Variants in MICU1 observed in about 807,000 individuals in gnomAD.
The protein encoded by MICU1 is mitochondrial calcium uptake 1, also known as calcium uptake protein 1, mitochondrial.
MICU1 carries 45 observed loss-of-function variants against 56.8 expected under a neutral mutation model. The ratio of observed to expected loss-of-function variants is 0.79; its 90% CI spans 0.62 to 1.02. The LOEUF (loss-of-function observed/expected upper bound fraction) is 1.02. Ranked by LOEUF, MICU1 falls within the 50% of genes least tolerant of loss-of-function variation. The pLI, the probability that MICU1 is intolerant of heterozygous loss-of-function variation, is 0.00. For synonymous variants in MICU1, 186 were observed against 195.1 expected (o/e 0.95, Z 0.39); for missense variants, 504 against 587.1 (o/e 0.86, Z 1.46).
At chr10:72,510,586 A>G (rs1867411231) in intron 5 of MICU1, among the ~76,000 whole-genome samples, 1 of 152,144 alleles carries the variant, frequency 6.6e-6, no homozygotes, top group African/African-American at 2.4e-5. Flanking sequence ...AGCACAGTGT[A>G]TATTTAATAA....
intron 10 of MICU1, among the ~76,000 whole-genome samples, chr10:72,388,427 G>A (rs1260948781): frequency 6.6e-6 from 1 of 152,180 alleles, no homozygotes; most frequent in East Asian, 1.9e-4. Context: ...GGTTCCAAAG[G>A]TAAAGATCAC....
rs11338457 is a variant in MICU1 at position 72,529,946 on chromosome 10, C to CTTTTTTT, written c.537+3793_537+3799dup. Reference sequence around the variant, plus strand: ...AATACATGGATACTAGGGGAAGGTGCTTTTTTTTTTTTTTTTTTTTTTTCT... The same window carrying CTTTTTTT: ...AATACATGGATACTAGGGGAAGGTGCTTTTTTTTTTTTTTTTTTTTTTTTTTTTTTCT... On this transcript the variant is annotated intron_variant, in intron 5 of 11. Transcript: ENST00000361114. Among the ~76,000 whole-genome samples, 253 of 100,800 alleles carry CTTTTTTT rather than the reference C, an allele frequency of 2.5e-3. 1 individual carries two copies. Among genetic ancestry groups the CTTTTTTT allele is most frequent in the African/African-American group, 7.4e-3 (198 of 26,718 alleles). 66.1% of individuals were successfully genotyped at this position (100,800 alleles called of 152,430 possible).
At position 72,551,183 on chromosome 10, in the gene MICU1, T is replaced by C. The variant is rs1468750866; in HGVS notation, c.489A>G (p.Pro163=). ...TATTTCACTTTAGCAACTTACGTTC[T>C]GGTTGTTTTTCATTGGGTGTTATGG... The part of the protein sequence containing the change: ...VRSITPNEKQ[P]EHLGLDQYII... The change falls in exon 4 of 12, where the codon CCA becomes CCG. Residue 163 remains proline (P), a synonymous_variant. Transcript: ENST00000361114. 6 of 1,597,848 alleles carry C rather than the reference T, an allele frequency of 3.8e-6. No homozygotes were observed. The highest frequency in any genetic ancestry group is 5.1e-6 in the Non-Finnish European group (6 of 1,173,508).
At chr10:72,616,874 C>A (rs1210422449) in intron 1 of MICU1, among the ~76,000 whole-genome samples, 1 of 152,152 alleles carries the variant, frequency 6.6e-6, no homozygotes, top group Non-Finnish European at 1.5e-5. Flanking sequence ...TTTGGCCTCC[C>A]CAGACTCCCT....
intron 11 of MICU1, among the ~76,000 whole-genome samples, chr10:72,373,833 T>A (rs1862427827): frequency 6.6e-6 from 1 of 152,164 alleles, no homozygotes; most frequent in Non-Finnish European, 1.5e-5. Flanking sequence ...AAAACAAAAA[T>A]CTGGAGAAAG....
intron 8 of MICU1, among the ~76,000 whole-genome samples, chr10:72,474,675 T>C (rs191321417): frequency 2.5e-4 from 38 of 152,280 alleles, no homozygotes; most frequent in African/African-American, 9.1e-4. Context: ...ATATTTTATA[T>C]TAAGCACACA....
At chr10:72,409,814 C>A (rs1863749090) in intron 9 of MICU1, among the ~76,000 whole-genome samples, 1 of 152,092 alleles carries the variant, frequency 6.6e-6, no homozygotes, top group Admixed American at 6.5e-5. Context: ...TAGAAAGGTG[C>A]ATAAAATATA....
chr10:72,441,833 G>A (rs1445674016), intron 8 of MICU1, among the ~76,000 whole-genome samples: 1 of 151,828 alleles, frequency 6.6e-6, no homozygotes, highest in Non-Finnish European at 1.5e-5. Context: ...GGCCAGGCTG[G>A]ACTTGAACTC....
chr10:72,425,545 A>C (rs1245524591), intron 8 of MICU1, among the ~76,000 whole-genome samples: 1 of 152,198 alleles, frequency 6.6e-6, no homozygotes, highest in Non-Finnish European at 1.5e-5. Context: ...TCTTTTGGTA[A>C]TGGGCTCTAT....
intron 10 of MICU1, among the ~76,000 whole-genome samples, chr10:72,401,022 C>CT (rs1025374382): frequency 6.6e-6 from 1 of 152,026 alleles, no homozygotes; most frequent in African/African-American, 2.4e-5. Flanking sequence ...TGGCCTTAAA[C>CT]TACTCCTGGG....
chr10:72,468,548 C>T (rs535100913), intron 8 of MICU1, among the ~76,000 whole-genome samples: 4 of 151,554 alleles, frequency 2.6e-5, no homozygotes, highest in Non-Finnish European at 5.9e-5. Context: ...AAAAACCAAC[C>T]TTATATTCTT....
At chr10:72,396,348 T>C (rs146715793) in intron 10 of MICU1, among the ~76,000 whole-genome samples, 6,156 of 152,262 alleles carry the variant, frequency 0.04, 344 homozygotes, top group African/African-American at 0.12. Flanking sequence ...GCAGAAAAGC[T>C]GAAAATTCTA....
chr10:72,438,913 C>T (rs1429179475), intron 8 of MICU1, among the ~76,000 whole-genome samples: 2 of 152,054 alleles, frequency 1.3e-5, no homozygotes, highest in Non-Finnish European at 1.5e-5. Context: ...AATTAATAGC[C>T]TACCAACCAA....
At chr10:72,492,148 TG>T (rs1866677146) in intron 6 of MICU1, among the ~76,000 whole-genome samples, 1 of 152,184 alleles carries the variant, frequency 6.6e-6, no homozygotes, top group Admixed American at 6.5e-5. Flanking sequence ...GACGGGTCCT[TG>T]TAGGCCACTG....
intron 1 of MICU1, among the ~76,000 whole-genome samples, chr10:72,587,418 C>G (rs1182481088): frequency 2.1e-5 from 3 of 140,978 alleles, no homozygotes; most frequent in Non-Finnish European, 4.5e-5. Context: ...AGTGAGGAAT[C>G]ATGCCACTAC....
Position 72,566,542 on chromosome 10 carries a change from A to G in MICU1, c.161+91T>C, listed in dbSNP as rs1840443402. 3 of 1,306,832 alleles carry G rather than the reference A, an allele frequency of 2.3e-6. No homozygotes were observed. The East Asian group carries it at 7.6e-5, about 33-fold the overall frequency. 81.0% of individuals were successfully genotyped at this position (1,306,832 alleles called of 1,614,324 possible). The stretch of plus-strand genomic sequence containing the variant: ...ATCCGAGCAAGAAATTCTGATACAG[A>G]GTTAAGCCAGAAATCAACTCCTTTC... On this transcript the variant is annotated intron_variant, in intron 2 of 11. Coordinates refer to ENST00000361114, the MANE Select transcript of MICU1 (RefSeq NM_001195518.2).
chr10:72,444,056 G>A (rs1002299068), intron 8 of MICU1, among the ~76,000 whole-genome samples: 6 of 152,008 alleles, frequency 3.9e-5, no homozygotes, highest in Non-Finnish European at 8.8e-5. Flanking sequence ...AAAATGATGA[G>A]TTCATGTCCT....
At chr10:72,535,186 TAC>T (rs1839603447) in intron 4 of MICU1, among the ~76,000 whole-genome samples, 1 of 151,524 alleles carries the variant, frequency 6.6e-6, no homozygotes, top group South Asian at 2.1e-4. Flanking sequence ...TGTGCCACGA[TAC>T]CTGTCTGATT....
At position 72,428,457 on chromosome 10, in the gene MICU1, C is replaced by T. The variant is rs909908030; in HGVS notation, c.934-5086G>A. On this transcript the variant is annotated intron_variant, in intron 8 of 11. Coordinates refer to ENST00000361114, the MANE Select transcript of MICU1 (RefSeq NM_001195518.2). ...CTCCCAAGTGGGCTGGGATTATAGGCGCTCACCACCATGCCTGGTTAATTT... is the reference window on the plus strand; with the variant it reads ...CTCCCAAGTGGGCTGGGATTATAGGTGCTCACCACCATGCCTGGTTAATTT... Among the ~76,000 whole-genome samples the T allele has an allele frequency of 3.3e-5, 5 of 152,138 alleles. No homozygotes were observed. The South Asian group carries it at 6.2e-4, about 19-fold the overall frequency.
Sources: gnomAD v4.1 joint callset for allele counts (sites outside exome capture counted in the v4.1 genomes callset) on GRCh38, gnomAD v4.1.1 for gene constraint, MANE v1.5 for transcripts, NCBI Gene and HGNC (gene_info 2026-07-23, HGNC 2026-07-21) for gene names.